Variants in DNER observed in about 807,000 individuals in gnomAD.
The protein encoded by DNER is delta and Notch-like epidermal growth factor-related receptor.
In DNER, 33 loss-of-function variants were observed where a neutral mutation model predicts 78.2. That is an observed-to-expected ratio of 0.42 (90% CI 0.32 to 0.56). The LOEUF (loss-of-function observed/expected upper bound fraction) is 0.56, where lower values mean the gene tolerates loss of function less well. Ranked by LOEUF, DNER falls within the 20% of genes least tolerant of loss-of-function variation. The probability of loss-of-function intolerance (pLI) is 0.11; values close to 1 mark genes in which losing one functional copy is unlikely to be tolerated. For synonymous variants in DNER, 417 were observed against 384.8 expected (o/e 1.08, Z -0.98); for missense variants, 918 against 975.3 (o/e 0.94, Z 0.78).
intron 6 of DNER, among the ~76,000 whole-genome samples, chr2:229,509,631 T>C (rs533254304): frequency 2.0e-4 from 30 of 152,282 alleles, no homozygotes; most frequent in African/African-American, 7.0e-4. Context: ...CTGGCCATCA[T>C]GGTGAAACCC....
Position 229,580,664 on chromosome 2 carries a change from T to C in DNER, c.847+5194A>G, listed in dbSNP as rs765564264. Among the ~76,000 whole-genome samples, 4 of 152,206 alleles carry C rather than the reference T, an allele frequency of 2.6e-5. No individual in the cohort carries two copies. The East Asian group carries it at 7.7e-4, about 29-fold the overall frequency. Reference sequence around the variant, plus strand: ...AAGAGAGAAGGGATAAAATTTCAGATGGAGGTAACAAAACGAACCATAAGA... The same window carrying C: ...AAGAGAGAAGGGATAAAATTTCAGACGGAGGTAACAAAACGAACCATAAGA... On this transcript the variant is annotated intron_variant, in intron 4 of 12. Transcript: ENST00000341772.
In DNER at chr2:229,547,104, T is replaced by C. The variant is rs764175795; in HGVS notation, c.848-12A>G. 1.2e-5 allele frequency: 19 copies of C among 1,613,390 alleles called. No individual in the cohort carries two copies. Among genetic ancestry groups the C allele is most frequent in the Admixed American group, 1.7e-5 (1 of 59,934 alleles). ...ATCATTCACAAAACCTAAAAGAAAA[T>C]GAGGCAAAAGGAAATTGTCAAGTGT... On this transcript the variant is annotated splice_polypyrimidine_tract_variant and intron_variant, in intron 4 of 12. Transcript: ENST00000341772.
chr2:229,374,306 G>T (rs923536964), intron 11 of DNER, among the ~76,000 whole-genome samples: 1 of 152,164 alleles, frequency 6.6e-6, no homozygotes, highest in South Asian at 2.1e-4. Flanking sequence ...GTACCTGGGC[G>T]ACAGGATCAT....
intron 8 of DNER, among the ~76,000 whole-genome samples, chr2:229,431,108 T>C (rs1193762179): frequency 1.3e-5 from 2 of 152,212 alleles, no homozygotes; most frequent in Non-Finnish European, 1.5e-5. Flanking sequence ...TCTGTAGATG[T>C]ACTGAGTGTA....
At chr2:229,548,828 T>C (rs1405519117) in intron 4 of DNER, among the ~76,000 whole-genome samples, 1 of 152,160 alleles carries the variant, frequency 6.6e-6, no homozygotes, top group Admixed American at 6.5e-5. Flanking sequence ...GATCTAAAGA[T>C]AGGGGATTTA....
chr2:229,365,598 G>A (rs1692328187), intron 12 of DNER, among the ~76,000 whole-genome samples: 1 of 152,104 alleles, frequency 6.6e-6, no homozygotes, highest in South Asian at 2.1e-4. Context: ...CACCATGCCT[G>A]GCTAATTTTT....
Position 229,453,939 on chromosome 2 carries a change from A to AG in DNER, c.1262-6400_1262-6399insC, listed in dbSNP as rs1553606203. Among the ~76,000 whole-genome samples, 183 of 138,342 alleles carry AG rather than the reference A, an allele frequency of 1.3e-3. 1 individual carries two copies. Among genetic ancestry groups the AG allele is most frequent in the Middle Eastern group, 7.1e-3 (2 of 280 alleles). 90.8% of individuals were successfully genotyped at this position (138,342 alleles called of 152,430 possible). A position where few individuals can be genotyped will look rare whatever the true frequency, so the allele number is the denominator to read the frequency against. ...ATATATTAAAAAAAAAAAAAAAAAA[A>AG]AAAGAAAGAAGAGAAACCAGGAGAG... On this transcript the variant is annotated intron_variant, in intron 7 of 12. Coordinates refer to ENST00000341772, the MANE Select transcript of DNER (RefSeq NM_139072.4).
intron 5 of DNER, among the ~76,000 whole-genome samples, chr2:229,521,925 A>G (rs1448116361): frequency 1.3e-5 from 2 of 152,186 alleles, no homozygotes; most frequent in Non-Finnish European, 2.9e-5. Context: ...TAACATGTTC[A>G]TATCACTTAT....
intron 1 of DNER, among the ~76,000 whole-genome samples, chr2:229,691,910 T>G (rs2761121): frequency 0.47 from 71,735 of 151,968 alleles, 17,801 homozygotes; most frequent in Non-Finnish European, 0.56. Context: ...ACTTTCCTGA[T>G]CAACTGAAAA....
chr2:229,436,861 C>A (rs935009062), intron 8 of DNER, among the ~76,000 whole-genome samples: 1 of 152,204 alleles, frequency 6.6e-6, no homozygotes, highest in Non-Finnish European at 1.5e-5. Flanking sequence ...GTACATAAAG[C>A]AGTGACACTA....
chr2:229,409,880 G>C (rs1693471829), intron 9 of DNER, among the ~76,000 whole-genome samples: 1 of 152,130 alleles, frequency 6.6e-6, no homozygotes, highest in Non-Finnish European at 1.5e-5. Context: ...AAATATATTT[G>C]TCATATTGCT....
At chr2:229,554,819 C>A (rs1358034554) in intron 4 of DNER, among the ~76,000 whole-genome samples, 1 of 150,954 alleles carries the variant, frequency 6.6e-6, no homozygotes, top group East Asian at 2.0e-4. Context: ...TATGCCACTG[C>A]ACTCCAGCCT....
chr2:229,404,205 T>C (rs1693331744), intron 10 of DNER, among the ~76,000 whole-genome samples: 1 of 151,978 alleles, frequency 6.6e-6, no homozygotes, highest in South Asian at 2.1e-4. Flanking sequence ...AAGAGGAAGG[T>C]ATATTAGTCT....
intron 5 of DNER, among the ~76,000 whole-genome samples, chr2:229,541,513 T>C (rs1478323551): frequency 6.6e-6 from 1 of 152,184 alleles, no homozygotes; most frequent in Non-Finnish European, 1.5e-5. Context: ...GGGAGTTATT[T>C]ATATCCTACT....
At chr2:229,418,024 A>G (rs1259316127) in intron 9 of DNER, 84 bp downstream of exon 9, 5 of 1,599,402 alleles carry the variant, frequency 3.1e-6, no homozygotes, top group Non-Finnish European at 4.3e-6. Context: ...TCATGGTCCA[A>G]TTAGAGGTTT....
intron 10 of DNER, among the ~76,000 whole-genome samples, chr2:229,395,212 A>G (rs538043552): frequency 6.6e-6 from 1 of 152,314 alleles, no homozygotes; most frequent in East Asian, 1.9e-4. Context: ...GGTGAGAGAT[A>G]CAGTCTTAGA....
At chr2:229,457,282 T>C (rs556070051) in intron 7 of DNER, among the ~76,000 whole-genome samples, 1 of 152,204 alleles carries the variant, frequency 6.6e-6, no homozygotes, top group South Asian at 2.1e-4. Context: ...ATTTTTTTCT[T>C]AATTTCTTTT....
chr2:229,364,340 A>C (rs1329429424), intron 12 of DNER, among the ~76,000 whole-genome samples: 1 of 152,028 alleles, frequency 6.6e-6, no homozygotes, highest in Admixed American at 6.5e-5. Flanking sequence ...TCAAACCTCA[A>C]ATGTTAATGA....
intron 12 of DNER, 48 bp from the exon 13 acceptor site, chr2:229,358,699 A>G (rs1013826816): frequency 6.7e-7 from 1 of 1,495,930 alleles, no homozygotes; most frequent in Admixed American, 1.8e-5. Context: ...CTAGATCTCA[A>G]GTTTAATTAA....
Sources: allele counts gnomAD v4.1 joint callset (sites outside exome capture counted in the v4.1 genomes callset), GRCh38; gene constraint gnomAD v4.1.1; transcripts MANE v1.5; gene names NCBI Gene and HGNC (gene_info 2026-07-23, HGNC 2026-07-21).